ABCA6: variants seen among roughly 807,000 people sequenced by gnomAD.
ABCA6 encodes the protein ATP binding cassette subfamily A member 6, also known as ATP-binding cassette sub-family A member 6.
ABCA6 carries 164 observed loss-of-function variants against 191.2 expected under a neutral mutation model. That is an observed-to-expected ratio of 0.86 (90% CI 0.76 to 0.98). The LOEUF (loss-of-function observed/expected upper bound fraction) is 0.98. Ranked by LOEUF, ABCA6 falls within the 50% of genes least tolerant of loss-of-function variation. The pLI, the probability that ABCA6 is intolerant of heterozygous loss-of-function variation, is 0.00. For missense variants in ABCA6, 1,958 were observed against 1,894.1 expected, an observed-to-expected ratio of 1.03 and a Z score of -0.63; for synonymous variants, 636 against 647.7, an observed-to-expected ratio of 0.98 and a Z score of 0.27.
chr17:69,123,720 AG>A (rs2073695065), intron 9 of ABCA6, among the ~76,000 whole-genome samples: 1 of 152,096 alleles, frequency 6.6e-6, no homozygotes, highest in Non-Finnish European at 1.5e-5. Flanking sequence ...TGACCAGCTG[AG>A]TTGGACTCCA....
intron 17 of ABCA6, 50 bp downstream of exon 17, chr17:69,110,751 G>A: frequency 6.5e-7 from 1 of 1,531,038 alleles, no homozygotes; most frequent in Non-Finnish European, 8.8e-7. Context: ...TAATAATAAT[G>A]TGAACATTTT....
chr17:69,114,012 C>T (rs532386920), intron 13 of ABCA6, among the ~76,000 whole-genome samples: 22 of 152,224 alleles, frequency 1.4e-4, no homozygotes, highest in African/African-American at 4.8e-4. Context: ...GTGGCAACTC[C>T]TCAGGGATCT....
At chr17:69,088,113 C>A in intron 28 of ABCA6, 54 bp downstream of exon 28, 1 of 1,417,952 alleles carries the variant, frequency 7.1e-7, no homozygotes. Flanking sequence ...GCACAGACAC[C>A]ATCTAGGAAT....
chr17:69,081,570 A>G (rs1365139872), intron 36 of ABCA6, among the ~76,000 whole-genome samples: 2 of 152,176 alleles, frequency 1.3e-5, no homozygotes, highest in Admixed American at 1.3e-4. Context: ...TACATTTACA[A>G]TGGAAAATAT....
rs1244054063 is a variant in ABCA6 at position 69,082,968 on chromosome 17, A to C, written c.4521T>G (p.Asp1507Glu). 6.2e-7 allele frequency: 1 copy of C among 1,614,200 alleles called. No homozygotes were observed. Among genetic ancestry groups the C allele is most frequent in the East Asian group, 2.2e-5 (1 of 44,894 alleles). The change falls in exon 36 of 39, where the codon GAT becomes GAG. Residue 1507 changes from aspartate to glutamate, a missense_variant. Asp to Glu is a conservative substitution (Grantham distance 45, BLOSUM62 2). Transcript: ENST00000284425. Reference protein sequence around the residue: ...IQHLKNKLGKDYILELKVKET... With the variant: ...IQHLKNKLGKEYILELKVKET... ...CCTTCACTTTTAGCTCTAGAATGTA[A>C]TCCTTGCCAAGTTTGTTTTTCAGGT...
At position 69,128,785 on chromosome 17, in the gene ABCA6, A is replaced by C; in HGVS notation, c.953T>G (p.Met318Arg). 1.3e-6 allele frequency: 2 copies of C among 1,599,864 alleles called. No individual in the cohort carries two copies. Among genetic ancestry groups the C allele is most frequent in the Non-Finnish European group, 1.7e-6 (2 of 1,172,984 alleles). Residue 318 changes from methionine (M) to arginine (R), a missense_variant, in exon 8 of 39, where the codon ATG (methionine) becomes AGG (arginine). Transcript: ENST00000284425. ...GLSLVALVFL[M>R]SVLLKKAVLT... ...GACAGCTTTCTTTAACAGCACACTC[A>C]TCAGGAACACCAAAGCTACCTGCAA... is the stretch of plus-strand genomic sequence containing the variant.
chr17:69,093,828 A>C (rs1224734593), intron 25 of ABCA6, among the ~76,000 whole-genome samples: 4 of 152,260 alleles, frequency 2.6e-5, no homozygotes, highest in Non-Finnish European at 4.4e-5. Context: ...AAATAAATAA[A>C]TATACTGAAA....
intron 18 of ABCA6, among the ~76,000 whole-genome samples, chr17:69,106,933 G>T (rs2073319675): frequency 1.3e-5 from 2 of 152,048 alleles, no homozygotes; most frequent in Admixed American, 1.3e-4. Flanking sequence ...GAAAAGCAAA[G>T]AAATTCCCAA....
At chr17:69,112,005 A>G (rs528326189) in intron 16 of ABCA6, 178 bp downstream of exon 16, 34 of 544,246 alleles carry the variant, frequency 6.2e-5, no homozygotes, top group South Asian at 1.8e-4. Context: ...AATGTTGCCA[A>G]TGATTAACAT....
intron 20 of ABCA6, among the ~76,000 whole-genome samples, chr17:69,103,592 C>A (rs2073227774): frequency 1.3e-5 from 2 of 152,138 alleles, no homozygotes. Flanking sequence ...GAAAAATTCA[C>A]AGCCTAGAGC....
intron 5 of ABCA6, 114 bp downstream of exon 5, chr17:69,134,525 A>C: frequency 2.7e-6 from 2 of 727,778 alleles, no homozygotes; most frequent in Non-Finnish European, 4.5e-6. Context: ...CCCAATCTCA[A>C]GTATTTTGTT....
intron 8 of ABCA6, among the ~76,000 whole-genome samples, chr17:69,128,123 C>T (rs1359211951): frequency 1.3e-5 from 2 of 151,928 alleles, no homozygotes; most frequent in African/African-American, 4.8e-5. Context: ...AAATTTTTAC[C>T]TTTACGAAGG....
At chr17:69,115,576 T>G in intron 11 of ABCA6, 90 bp from the exon 12 acceptor site, 1 of 807,722 alleles carries the variant, frequency 1.2e-6, no homozygotes, top group Non-Finnish European at 1.9e-6. Context: ...ACAAGGCTAT[T>G]TAGTTTAGTG....
At chr17:69,087,220 G>T in intron 29 of ABCA6, 133 bp downstream of exon 29, 2 of 1,111,436 alleles carry the variant, frequency 1.8e-6, no homozygotes, top group Non-Finnish European at 2.5e-6. Flanking sequence ...TACTTCTTTG[G>T]AGTGTCCTGG....
chr17:69,119,672 T>A (rs1278714790), intron 10 of ABCA6, among the ~76,000 whole-genome samples: 1 of 152,030 alleles, frequency 6.6e-6, no homozygotes, highest in African/African-American at 2.4e-5. Context: ...CAAACCACCA[T>A]TTATATCCTG....
Position 69,112,267 on chromosome 17 carries a change from T to C in ABCA6, c.2048A>G (p.Lys683Arg), listed in dbSNP as rs1198630914. ...MDEADILADR[K>R]VIMSNGRLKC... is the part of the protein sequence containing the mutation. ...CAGTCTCCCATTGGACATGATCACT[T>C]TTCTATCTGAATGAAAGAAATCAAG... The change falls in exon 16 of 39, where the codon AAA becomes AGA. Residue 683 changes from lysine to arginine, a missense_variant. By Grantham distance (26) the Lys-to-Arg change is conservative (BLOSUM62 2). Coordinates refer to ENST00000284425, the MANE Select transcript of ABCA6 (RefSeq NM_080284.3). The C allele has an allele frequency of 6.2e-7, 1 of 1,610,474 alleles. No homozygotes were observed. The highest frequency in any genetic ancestry group is 2.2e-5 in the East Asian group (1 of 44,816).
chr17:69,127,761 T>C (rs372711862), intron 8 of ABCA6, among the ~76,000 whole-genome samples: 2 of 151,728 alleles, frequency 1.3e-5, no homozygotes, highest in Non-Finnish European at 2.9e-5. Context: ...CACTATTCTG[T>C]TTGTTATATT....
rs534411748 is a variant in ABCA6 at position 69,105,674 on chromosome 17, T to C, written c.2574-46A>G. ...AGCATATTAATCTCCAGGAATTTTA[T>C]TTATTTAGTAAGACATTCCACAAGT... On this transcript the variant is annotated intron_variant, in intron 19 of 38. Transcript: ENST00000284425. The C allele has an allele frequency of 3.8e-6, 5 of 1,328,798 alleles. No homozygotes were observed. The African/African-American group carries it at 5.8e-5, about 15-fold the overall frequency. The allele number at this position is 1,328,798 out of a possible 1,614,324, so 82.3% of individuals were successfully genotyped here.
At chr17:69,113,969 C>A (rs1468801267) in intron 13 of ABCA6, among the ~76,000 whole-genome samples, 1 of 152,096 alleles carries the variant, frequency 6.6e-6, no homozygotes, top group Non-Finnish European at 1.5e-5. Context: ...GTTGGTGGGA[C>A]TGTAAACTAG....
Sources: gnomAD v4.1 joint callset for allele counts (sites outside exome capture counted in the v4.1 genomes callset) on GRCh38, gnomAD v4.1.1 for gene constraint, MANE v1.5 for transcripts, NCBI Gene and HGNC (gene_info 2026-07-23, HGNC 2026-07-21) for gene names.